Variants in MAPK13 observed in about 807,000 individuals in gnomAD.
The protein encoded by MAPK13 is mitogen-activated protein kinase 13, also known as MAP kinase 13.
A neutral mutation model predicts 53.5 loss-of-function variants in MAPK13; 39 were observed. The observed-to-expected ratio is 0.73, with a 90% CI of 0.56 to 0.95. The LOEUF (loss-of-function observed/expected upper bound fraction) is 0.95, where lower values mean the gene tolerates loss of function less well. Among genes scored for constraint, MAPK13 ranks in the 40% least tolerant of loss-of-function variants. The probability of loss-of-function intolerance (pLI) is 0.00; values close to 1 mark genes in which losing one functional copy is unlikely to be tolerated. For synonymous variants in MAPK13, 179 were observed against 190.9 expected (o/e 0.94, Z 0.51); for missense variants, 460 against 471.8 (o/e 0.98, Z 0.23).
chr6:36,132,770 G>T, intron 3 of MAPK13, 91 bp downstream of exon 3: 2 of 1,351,154 alleles, frequency 1.5e-6, no homozygotes, highest in South Asian at 1.2e-5. Context: ...TTTCTATTCC[G>T]GGTGTGGCGG....
chr6:36,132,280 C>T (rs1297909701), intron 2 of MAPK13, among the ~76,000 whole-genome samples: 1 of 152,118 alleles, frequency 6.6e-6, no homozygotes, highest in Non-Finnish European at 1.5e-5. Flanking sequence ...TCCCTTCCAC[C>T]CTCCCCTTAT....
In MAPK13 at chr6:36,139,677, A is replaced by T. The variant is rs1416546881; in HGVS notation, c.*304A>T. 2.6e-6 allele frequency: 1 copy of T among 385,726 alleles called. No individual in the cohort carries two copies. The highest frequency in any genetic ancestry group is 4.8e-6 in the Non-Finnish European group (1 of 208,786). 23.9% of individuals were successfully genotyped at this position (385,726 alleles called of 1,614,324 possible). On this transcript the variant is annotated 3_prime_UTR_variant, in exon 12 of 12. Coordinates refer to ENST00000211287, the MANE Select transcript of MAPK13 (RefSeq NM_002754.5). ...GCCAGGCCGGGGGCCTATGGCAGTG[A>T]TGCTGTGTTGGTTTCCTAGGGATGC... is the stretch of plus-strand genomic sequence containing the variant.
Position 36,139,440 on chromosome 6 carries a change from TC to T in MAPK13, c.*68del. 1 of 1,329,338 alleles carries T rather than the reference TC, an allele frequency of 7.5e-7. No homozygotes were observed. The highest frequency in any genetic ancestry group is 1.1e-6 in the Non-Finnish European group (1 of 923,170). The allele number at this position is 1,329,338 out of a possible 1,614,324, so 82.3% of individuals were successfully genotyped here. On this transcript the variant is annotated 3_prime_UTR_variant, in exon 12 of 12. Coordinates refer to ENST00000211287, the MANE Select transcript of MAPK13 (RefSeq NM_002754.5). ...GGACCAGTATTTGTCACTACCAAAC[TC>T]AGCCCTTCTTGGAATACAGCCTTTC...
At chr6:36,138,492 G>T in intron 9 of MAPK13, 48 bp downstream of exon 9, 2 of 1,578,826 alleles carry the variant, frequency 1.3e-6, no homozygotes, top group South Asian at 2.2e-5. Context: ...GTGCTTGCCT[G>T]ACGTGGGCCC....
At chr6:36,131,107 G>A (rs561491336) in intron 1 of MAPK13, 164 bp from the exon 2 acceptor site, 28 of 731,850 alleles carry the variant, frequency 3.8e-5, no homozygotes, top group South Asian at 3.7e-4. Flanking sequence ...CTCAGCTCCT[G>A]CCTGGCTTCC....
chr6:36,138,940 G>A lies in MAPK13; in HGVS notation c.903G>A (p.Gln301=), dbSNP rs1459103670. 2 of 1,613,416 alleles carry A rather than the reference G, an allele frequency of 1.2e-6. No homozygotes were observed. Among genetic ancestry groups the A allele is most frequent in the East Asian group, 2.2e-5 (1 of 44,890 alleles). The change falls in exon 11 of 12, where the codon CAG becomes CAA. Residue 301 remains glutamine, a synonymous_variant. Transcript: ENST00000211287. The part of the protein sequence containing the change: ...LDVDKRLTAA[Q]ALTHPFFEPF... ...TGGACAAGCGCCTGACGGCCGCGCA[G>A]GCCCTCACCCATCCCTTCTTTGAAC...
chr6:36,132,001 G>A (rs1394467674), intron 2 of MAPK13, among the ~76,000 whole-genome samples: 1 of 152,238 alleles, frequency 6.6e-6, no homozygotes, highest in East Asian at 1.9e-4. Context: ...GGGAAAACCA[G>A]GGGCCCAGCT....
chr6:36,133,141 T>C (rs1186051307), intron 3 of MAPK13, among the ~76,000 whole-genome samples: 1 of 152,206 alleles, frequency 6.6e-6, no homozygotes, highest in African/African-American at 2.4e-5. Context: ...GCAAAATGTA[T>C]AGCTTTGCCT....
chr6:36,137,031 T>C, intron 8 of MAPK13, 81 bp downstream of exon 8: 2 of 1,239,704 alleles, frequency 1.6e-6, no homozygotes, highest in Non-Finnish European at 1.2e-6. Flanking sequence ...CTGTCTTTTT[T>C]TTCTTAATGT....
rs1365662741 is a variant in MAPK13, at chr6:36,136,925, G to A, written c.657G>A (p.Gly219=). The A allele has an allele frequency of 2.5e-6, 4 of 1,614,104 alleles. No homozygotes were observed. The African/African-American group carries it at 4.0e-5, about 16-fold the overall frequency. Residue 219 remains glycine, a synonymous_variant, in exon 8 of 12, where the codon GGG becomes GGA. Coordinates refer to ENST00000211287, the MANE Select transcript of MAPK13 (RefSeq NM_002754.5). ...VGCIMAEMLT[G]KTLFKGKDYL... is the part of the protein sequence containing the mutation. The stretch of plus-strand genomic sequence containing the variant: ...GTATCATGGCAGAGATGCTGACAGG[G>A]AAAACTCTGTTCAAGGGGAAAGATT...
At chr6:36,131,474 C>CCGGTATGGAGAGCT in intron 2 of MAPK13, 74 bp downstream of exon 2, 1 of 1,472,058 alleles carries the variant, frequency 6.8e-7, no homozygotes, top group Middle Eastern at 2.2e-4. Flanking sequence ...GCGGGGCCTC[C>CCGGTATGGAGAGCT]CGGTATGGAG....
At chr6:36,139,240 A>T in intron 11 of MAPK13, 54 bp from the exon 12 acceptor site, 1 of 1,541,714 alleles carries the variant, frequency 6.5e-7, no homozygotes, top group Admixed American at 1.7e-5. Context: ...AGGGGGGTGG[A>T]CTTTCTCGCC....
Position 36,139,994 on chromosome 6 carries a change from T to A in MAPK13, c.*621T>A, listed in dbSNP as rs1280706980. On this transcript the variant is annotated 3_prime_UTR_variant, in exon 12 of 12. Coordinates refer to ENST00000211287, the MANE Select transcript of MAPK13 (RefSeq NM_002754.5). ...CTAATCCTGTGTGATCTTATCTTGA[T>A]CCTTATTAATTAAACCTGCAAATAC... The A allele has an allele frequency of 6.6e-6, 1 of 152,284 alleles. No individual in the cohort carries two copies. Among genetic ancestry groups the A allele is most frequent in the Non-Finnish European group, 1.5e-5 (1 of 68,090 alleles). The allele number at this position is 152,284 out of a possible 1,614,324, so 9.4% of individuals were successfully genotyped here.
At position 36,136,895 on chromosome 6, in the gene MAPK13, G is replaced by A. The variant is rs760573757; in HGVS notation, c.627G>A (p.Val209=). ...HYNQTVDIWS[V]GCIMAEMLTG... Reference sequence around the variant, plus strand: ...CCTCTGCAGTGGACATCTGGTCTGTGGGCTGTATCATGGCAGAGATGCTGA... The same window carrying A: ...CCTCTGCAGTGGACATCTGGTCTGTAGGCTGTATCATGGCAGAGATGCTGA... Residue 209 remains valine, a synonymous_variant, in exon 8 of 12, where the codon GTG becomes GTA. Transcript: ENST00000211287. 1.4e-5 allele frequency: 23 copies of A among 1,614,070 alleles called. No homozygotes were observed. The highest frequency in any genetic ancestry group is 1.9e-5 in the Non-Finnish European group (23 of 1,180,014).
In MAPK13 at chr6:36,141,971, C is replaced by G. The variant is rs1766540645; in HGVS notation, c.*2598C>G. ...GGCCTCGCTGGTTACTAAAACTGCC[C>G]CAGGTTCCCTGAGTCTACATCCCTC... On this transcript the variant is annotated 3_prime_UTR_variant, in exon 12 of 12. Coordinates refer to ENST00000211287, the MANE Select transcript of MAPK13 (RefSeq NM_002754.5). 1 of 152,312 alleles carries G rather than the reference C, an allele frequency of 6.6e-6. No individual in the cohort carries two copies. The highest frequency in any genetic ancestry group is 2.4e-5 in the African/African-American group (1 of 41,432). The allele number at this position is 152,312 out of a possible 1,614,324, so 9.4% of individuals were successfully genotyped here.
intron 9 of MAPK13, 84 bp from the exon 10 acceptor site, chr6:36,138,618 C>A: frequency 1.4e-6 from 2 of 1,413,866 alleles, no homozygotes; most frequent in Admixed American, 1.8e-5. Flanking sequence ...GAACTTTCAG[C>A]CCTGCTCTGA....
Position 36,139,128 on chromosome 6 carries a change from C to T in MAPK13, c.1018+73C>T, listed in dbSNP as rs1425888418. ...TTCCTTGCTTCCTCCATCTTTGTGC[C>T]TGGCCTCTGCCAGCCCTACCTGCCA... On this transcript the variant is annotated intron_variant, in intron 11 of 11. Transcript: ENST00000211287. 2.0e-6 allele frequency: 3 copies of T among 1,493,888 alleles called. No homozygotes were observed. In the African/African-American group the frequency reaches 4.2e-5, roughly 21 times the overall value. 92.5% of individuals were successfully genotyped at this position (1,493,888 alleles called of 1,614,324 possible). A position where few individuals can be genotyped will look rare whatever the true frequency, so the allele number is the denominator to read the frequency against.
Position 36,136,479 on chromosome 6 carries a change from C to T in MAPK13, c.448-5C>T. On this transcript the variant is annotated splice_polypyrimidine_tract_variant and splice_region_variant and intron_variant, in intron 5 of 11. Coordinates refer to ENST00000211287, the MANE Select transcript of MAPK13 (RefSeq NM_002754.5). ...CCTAGCATGCATTCTCTGTCCTCCC[C>T]CCAGGACCTGAAGCCAGGCAACCTG... 2 of 1,591,678 alleles carry T rather than the reference C, an allele frequency of 1.3e-6. No homozygotes were observed. Among genetic ancestry groups the T allele is most frequent in the Non-Finnish European group, 1.7e-6 (2 of 1,170,018 alleles).
rs1051997498 is a variant in MAPK13 at position 36,143,433 on chromosome 6, T to A, written c.*4060T>A. On this transcript the variant is annotated 3_prime_UTR_variant, in exon 12 of 12. Coordinates refer to ENST00000211287, the MANE Select transcript of MAPK13 (RefSeq NM_002754.5). ...GAGCTGCCTGCGTGAGGCTGGGGGC[T>A]AGTTTGGATGAGGGCATGGCTCAAC... is the stretch of plus-strand genomic sequence containing the variant. The A allele has an allele frequency of 3.9e-5, 6 of 152,356 alleles. No homozygotes were observed. The highest frequency in any genetic ancestry group is 1.2e-4 in the African/African-American group (5 of 41,452). The allele number at this position is 152,356 out of a possible 1,614,324, so 9.4% of individuals were successfully genotyped here. A position where few individuals can be genotyped will look rare whatever the true frequency, so the allele number is the denominator to read the frequency against.
Sources: allele counts gnomAD v4.1 joint callset (sites outside exome capture counted in the v4.1 genomes callset), GRCh38; gene constraint gnomAD v4.1.1; transcripts MANE v1.5; gene names NCBI Gene and HGNC (gene_info 2026-07-23, HGNC 2026-07-21).